PPP2R2C: variants seen among roughly 807,000 people sequenced by gnomAD.
The protein encoded by PPP2R2C is protein phosphatase 2, regulatory subunit B, gamma.
In PPP2R2C, 10 loss-of-function variants were observed where a neutral mutation model predicts 45.3. The observed-to-expected ratio is 0.22, with a 90% CI of 0.14 to 0.37. The LOEUF (loss-of-function observed/expected upper bound fraction) is 0.37, where lower values mean the gene tolerates loss of function less well. Ranked by LOEUF, PPP2R2C falls within the 10% of genes least tolerant of loss-of-function variation. PPP2R2C has a pLI of 1.00. For synonymous variants in PPP2R2C, 257 were observed against 245.4 expected (o/e 1.05, Z -0.44); for missense variants, 308 against 619.7 (o/e 0.50, Z 5.34).
chr4:6,495,501 G>A (rs545961246), intron 2 of PPP2R2C, among the ~76,000 whole-genome samples: 1 of 152,188 alleles, frequency 6.6e-6, no homozygotes, highest in Non-Finnish European at 1.5e-5. Flanking sequence ...GTCCCTGCCC[G>A]CCCCCACACT....
At chr4:6,433,972 C>T (rs902271909) in intron 1 of PPP2R2C, among the ~76,000 whole-genome samples, 1 of 152,210 alleles carries the variant, frequency 6.6e-6, no homozygotes, top group African/African-American at 2.4e-5. Flanking sequence ...GAAAATAAGT[C>T]TCCCTTAGGC....
At chr4:6,558,006 G>A (rs950454661) in intron 1 of PPP2R2C, among the ~76,000 whole-genome samples, 5 of 151,870 alleles carry the variant, frequency 3.3e-5, no homozygotes, top group Non-Finnish European at 7.4e-5. Context: ...GGAAGGAGGC[G>A]GCCAGGTGCT....
chr4:6,414,825 G>C (rs1718461685), intron 1 of PPP2R2C, among the ~76,000 whole-genome samples: 1 of 152,104 alleles, frequency 6.6e-6, no homozygotes, highest in Admixed American at 6.5e-5. Flanking sequence ...ACCCCTCTGA[G>C]CTTCAGGGGC....
chr4:6,436,409 C>T (rs1015071281), intron 1 of PPP2R2C, among the ~76,000 whole-genome samples: 1 of 152,208 alleles, frequency 6.6e-6, no homozygotes, highest in Non-Finnish European at 1.5e-5. Context: ...TGGAGACATC[C>T]TGCACCCATT....
chr4:6,520,690 A>G (rs1351249317), intron 2 of PPP2R2C, among the ~76,000 whole-genome samples: 2 of 152,216 alleles, frequency 1.3e-5, no homozygotes, highest in Non-Finnish European at 2.9e-5. Context: ...GATGCCATGC[A>G]GGGGCTGAGA....
intron 1 of PPP2R2C, chr4:6,414,118 GTGTGTA>G (rs1164572317): frequency 2.4e-5 from 26 of 1,072,128 alleles, no homozygotes; most frequent in Non-Finnish European, 3.1e-5. Flanking sequence ...GTGTGTGTGT[GTGTGTA>G]CAGGTAAATA....
intron 5 of PPP2R2C, among the ~76,000 whole-genome samples, chr4:6,352,070 C>T (rs1712613620): frequency 1.3e-5 from 2 of 152,200 alleles, no homozygotes; most frequent in South Asian, 4.1e-4. Flanking sequence ...CCAAACTCAG[C>T]TACCGTGAAC....
At chr4:6,370,262 G>C (rs561450166) in intron 5 of PPP2R2C, among the ~76,000 whole-genome samples, 1 of 152,332 alleles carries the variant, frequency 6.6e-6, no homozygotes, top group South Asian at 2.1e-4. Flanking sequence ...CCCAGCCTCC[G>C]TTTCCTCATC....
chr4:6,504,151 G>T (rs1577225351), intron 2 of PPP2R2C, among the ~76,000 whole-genome samples: 1 of 152,322 alleles, frequency 6.6e-6, no homozygotes, highest in Admixed American at 6.5e-5. Flanking sequence ...ATCTGGCAGG[G>T]AATGAGGAGG....
rs796460579 is a variant in PPP2R2C, at chr4:6,439,638, G to A, written c.70+32522C>T. ...GTCTGCTCTTCTCCTCTGCTCTTCT[G>A]CCTCCAGTCCACCCCCATCTCATCC... is the stretch of plus-strand genomic sequence containing the variant. On this transcript the variant is annotated intron_variant, in intron 1 of 8. Coordinates refer to ENST00000382599, the MANE Select transcript of PPP2R2C (RefSeq NM_020416.4). 2.6e-5 allele frequency among the ~76,000 whole-genome samples: 4 copies of A among 152,164 alleles called. No individual in the cohort carries two copies. The South Asian group carries it at 8.3e-4, about 32-fold the overall frequency.
chr4:6,535,486 C>G, intron 1 of PPP2R2C: 1 of 732,858 alleles, frequency 1.4e-6, no homozygotes, highest in Non-Finnish European at 2.2e-6. Flanking sequence ...CCGCCCTGGC[C>G]GCCGCCCGGC....
chr4:6,442,568 G>A (rs892813628), intron 1 of PPP2R2C, among the ~76,000 whole-genome samples: 1 of 152,216 alleles, frequency 6.6e-6, no homozygotes, highest in African/African-American at 2.4e-5. Context: ...GCGACAAGGT[G>A]ACACCAGTGA....
chr4:6,413,141 G>C (rs963926062), intron 1 of PPP2R2C, among the ~76,000 whole-genome samples: 37 of 151,694 alleles, frequency 2.4e-4, no homozygotes, highest in Admixed American at 2.2e-3. Context: ...AGAATAAACA[G>C]AGTGAACATG....
chr4:6,467,979 C>T (rs954034061), intron 1 of PPP2R2C, among the ~76,000 whole-genome samples: 1 of 152,202 alleles, frequency 6.6e-6, no homozygotes, highest in African/African-American at 2.4e-5. Context: ...CTGACTCCCA[C>T]ATCCATTCTG....
intron 1 of PPP2R2C, among the ~76,000 whole-genome samples, chr4:6,417,775 G>A (rs1718689735): frequency 6.6e-6 from 1 of 152,206 alleles, no homozygotes; most frequent in Admixed American, 6.5e-5. Context: ...CTGCGTGGGG[G>A]GCATGGTCAC....
chr4:6,471,025 G>A lies in PPP2R2C; in HGVS notation c.70+1135C>T. On this transcript the variant is annotated intron_variant, in intron 1 of 8. Coordinates refer to ENST00000382599, the MANE Select transcript of PPP2R2C (RefSeq NM_020416.4). The surrounding 1 kb of genome is among the most constrained non-coding windows in gnomAD (Gnocchi z 5.6). Reference sequence around the variant, plus strand: ...TCCGGCTCCGCTCGGCCTCATTTCCGGCAGAGCCAGGCTTCGAGGAGGCGG... The same window carrying A: ...TCCGGCTCCGCTCGGCCTCATTTCCAGCAGAGCCAGGCTTCGAGGAGGCGG... Among the ~76,000 whole-genome samples the A allele has an allele frequency of 6.6e-6, 1 of 152,008 alleles. No individual in the cohort carries two copies. The highest frequency in any genetic ancestry group is 1.5e-5 in the Non-Finnish European group (1 of 67,960).
intron 2 of PPP2R2C, among the ~76,000 whole-genome samples, chr4:6,509,060 A>G (rs1320050938): frequency 2.0e-5 from 3 of 152,238 alleles, no homozygotes; most frequent in Admixed American, 6.5e-5. Flanking sequence ...GGAGGTGAGC[A>G]CTGAGTTGCT....
chr4:6,365,010 C>G (rs919810901), intron 5 of PPP2R2C, among the ~76,000 whole-genome samples: 1 of 152,208 alleles, frequency 6.6e-6, no homozygotes, highest in Non-Finnish European at 1.5e-5. Flanking sequence ...TATGAAAAGA[C>G]AGCTCTTCCT....
intron 2 of PPP2R2C, among the ~76,000 whole-genome samples, chr4:6,522,745 G>A (rs914207892): frequency 2.0e-5 from 3 of 152,376 alleles, no homozygotes; most frequent in East Asian, 1.9e-4. Flanking sequence ...GTCTGCCCTG[G>A]GGCCCTTCTC....
Sources: allele counts gnomAD v4.1 joint callset (sites outside exome capture counted in the v4.1 genomes callset), GRCh38; gene constraint gnomAD v4.1.1; non-coding constraint Gnocchi (gnomAD v3.1); transcripts MANE v1.5; gene names NCBI Gene and HGNC (gene_info 2026-07-23, HGNC 2026-07-21).